Variants in SGCZ observed in about 807,000 individuals in gnomAD.
The protein encoded by SGCZ is zeta-sarcoglycan.
SGCZ carries 40 observed loss-of-function variants against 41.3 expected under a neutral mutation model. The observed-to-expected ratio is 0.97, with a 90% confidence interval of 0.75 to 1.26. The LOEUF is 1.26. SGCZ is among the 50% of genes most tolerant of loss of function. SGCZ has a pLI of 0.00. For missense variants in SGCZ, 552 were observed against 369.8 expected (o/e 1.49, Z -4.04); for synonymous variants, 206 against 137.5 (o/e 1.50, Z -3.49).
intron 3 of SGCZ, among the ~76,000 whole-genome samples, chr8:14,242,759 G>T (rs1798937577): frequency 6.6e-6 from 1 of 152,036 alleles, no homozygotes; most frequent in Admixed American, 6.6e-5. Flanking sequence ...AAGGTAACAA[G>T]CCATGTTGGA....
At chr8:14,472,560 G>GCA in intron 2 of SGCZ, among the ~76,000 whole-genome samples, 1 of 152,008 alleles carries the variant, frequency 6.6e-6, no homozygotes, top group Non-Finnish European at 1.5e-5. Flanking sequence ...CATATACTGG[G>GCA]ATATCATTAC....
chr8:14,099,204 C>G (rs757679824), intron 7 of SGCZ, among the ~76,000 whole-genome samples: 7 of 152,148 alleles, frequency 4.6e-5, no homozygotes, highest in Non-Finnish European at 8.8e-5. Flanking sequence ...TTGAGCATAT[C>G]TTTTTCTGTT....
intron 6 of SGCZ, among the ~76,000 whole-genome samples, chr8:14,106,462 T>C (rs1451031436): frequency 6.9e-6 from 1 of 144,516 alleles, no homozygotes; most frequent in Admixed American, 7.1e-5. Context: ...GGCCACTTTT[T>C]TTCCTAATAA....
chr8:14,282,052 G>C (rs954314962), intron 3 of SGCZ, among the ~76,000 whole-genome samples: 2 of 151,840 alleles, frequency 1.3e-5, no homozygotes, highest in African/African-American at 4.8e-5. Context: ...CTAGTTAAAA[G>C]AAATAAACTT....
chr8:14,289,573 C>T (rs895559536), intron 3 of SGCZ, among the ~76,000 whole-genome samples: 6 of 152,018 alleles, frequency 3.9e-5, no homozygotes, highest in South Asian at 2.1e-4. Flanking sequence ...ACTCAACTGA[C>T]CATTGGTCTA....
At chr8:14,816,893 CT>C (rs1162898009) in intron 1 of SGCZ, among the ~76,000 whole-genome samples, 3 of 152,204 alleles carry the variant, frequency 2.0e-5, no homozygotes, top group African/African-American at 7.2e-5. Flanking sequence ...CATGTCTGCA[CT>C]TATCAATTTT....
At chr8:14,479,671 A>G (rs112498448) in intron 2 of SGCZ, among the ~76,000 whole-genome samples, 2 of 151,008 alleles carry the variant, frequency 1.3e-5, no homozygotes, top group Non-Finnish European at 2.9e-5. Flanking sequence ...AGTTAATTTA[A>G]TGTGATAAAA....
chr8:14,853,096 T>G (rs1803396742), intron 1 of SGCZ, among the ~76,000 whole-genome samples: 2 of 152,214 alleles, frequency 1.3e-5, no homozygotes, highest in Admixed American at 1.3e-4. Context: ...GCATTCATAT[T>G]TGAAGAAAGT....
At chr8:14,904,905 C>T (rs951519037) in intron 1 of SGCZ, among the ~76,000 whole-genome samples, 2 of 151,838 alleles carry the variant, frequency 1.3e-5, no homozygotes, top group Non-Finnish European at 2.9e-5. Context: ...TTTCAACTCT[C>T]CTCCTATGTT....
At chr8:14,254,682 A>C (rs181976410) in intron 3 of SGCZ, among the ~76,000 whole-genome samples, 1 of 152,314 alleles carries the variant, frequency 6.6e-6, no homozygotes, top group African/African-American at 2.4e-5. Context: ...CTTTCCACTA[A>C]ACATATTTAA....
At chr8:14,625,408 C>G (rs886153715) in intron 1 of SGCZ, among the ~76,000 whole-genome samples, 8 of 152,042 alleles carry the variant, frequency 5.3e-5, no homozygotes, top group African/African-American at 1.9e-4. Context: ...AACTTATGAT[C>G]AAGACTGCAG....
At chr8:14,477,509 T>C (rs987729940) in intron 2 of SGCZ, among the ~76,000 whole-genome samples, 4 of 152,168 alleles carry the variant, frequency 2.6e-5, no homozygotes, top group Non-Finnish European at 5.9e-5. Flanking sequence ...AATTGTCTTA[T>C]TTTTATTAGA....
intron 1 of SGCZ, among the ~76,000 whole-genome samples, chr8:14,678,564 G>T (rs1373167176): frequency 6.6e-6 from 1 of 152,206 alleles, no homozygotes; most frequent in Non-Finnish European, 1.5e-5. Context: ...TGGCGCAAAA[G>T]CAATTCTCAT....
At chr8:14,604,020 C>T (rs1805671821) in intron 1 of SGCZ, among the ~76,000 whole-genome samples, 1 of 152,082 alleles carries the variant, frequency 6.6e-6, no homozygotes, top group Non-Finnish European at 1.5e-5. Flanking sequence ...ACATCCTTAA[C>T]AATTCATCCC....
chr8:14,144,199 C>A (rs893776745), intron 5 of SGCZ, among the ~76,000 whole-genome samples: 2 of 152,150 alleles, frequency 1.3e-5, no homozygotes, highest in Admixed American at 1.3e-4. Context: ...TAACCCTAGG[C>A]TGCACAACTC....
chr8:14,277,987 T>C (rs756808684), intron 3 of SGCZ, among the ~76,000 whole-genome samples: 45 of 152,160 alleles, frequency 3.0e-4, no homozygotes, highest in Non-Finnish European at 4.9e-4. Flanking sequence ...TCTACTCTTC[T>C]GAGGGCAGCA....
intron 5 of SGCZ, among the ~76,000 whole-genome samples, chr8:14,146,644 G>A (rs191467228): frequency 5.1e-4 from 78 of 151,986 alleles, no homozygotes; most frequent in East Asian, 3.5e-3. Context: ...AGGCCGAGGC[G>A]GGCGGATCAC....
At chr8:14,551,544 TATATATAATATATATTATATATATAATA>T (rs1803846084) in intron 2 of SGCZ, among the ~76,000 whole-genome samples, 7 of 6,216 alleles carry the variant, frequency 1.1e-3, no homozygotes, top group African/African-American at 3.6e-3. Context: ...ATATATATAA[TATATATAATATATATTATATATATAATA>T]TATATATAAT....
chr8:14,447,312 T>C (rs1800460860), intron 2 of SGCZ, among the ~76,000 whole-genome samples: 2 of 151,810 alleles, frequency 1.3e-5, no homozygotes, highest in East Asian at 3.8e-4. Context: ...TTAATGCATG[T>C]TTTTTTATTT....
Sources: gnomAD v4.1 joint callset for allele counts (sites outside exome capture counted in the v4.1 genomes callset) on GRCh38, gnomAD v4.1.1 for gene constraint, MANE v1.5 for transcripts, NCBI Gene and HGNC (gene_info 2026-07-23, HGNC 2026-07-21) for gene names.